The following CSMD1 variants were observed in gnomAD, a reference collection of about 807,000 sequenced individuals.
The protein encoded by CSMD1 is CUB and Sushi multiple domains 1, also known as CUB and sushi domain-containing protein 1.
In CSMD1, 213 loss-of-function variants were observed where a neutral mutation model predicts 417.5. The ratio of observed to expected loss-of-function variants is 0.51; its 90% confidence interval spans 0.46 to 0.57. CSMD1 has a LOEUF of 0.57. Ranked by LOEUF, CSMD1 falls within the 20% of genes least tolerant of loss-of-function variation. CSMD1 has a pLI of 0.00. For missense variants in CSMD1, 6,923 were observed against 4,529.7 expected (o/e 1.53, Z -15.17); for synonymous variants, 2,862 against 1,736.8 (o/e 1.65, Z -16.11).
intron 1 of CSMD1, among the ~76,000 whole-genome samples, chr8:4,809,024 C>A (rs373181057): frequency 1.3e-5 from 2 of 152,092 alleles, no homozygotes; most frequent in East Asian, 1.9e-4. Flanking sequence ...GTTGTCTTGC[C>A]GAGTTTTACT....
chr8:3,189,135 A>C, intron 34 of CSMD1, 124 bp from the exon 35 acceptor site: 1 of 856,214 alleles, frequency 1.2e-6, no homozygotes, highest in Non-Finnish European at 1.7e-6. Flanking sequence ...TGATACGTTA[A>C]ACGGCACTTT....
chr8:3,281,834 T>C (rs10094867), intron 26 of CSMD1, among the ~76,000 whole-genome samples: 1 of 151,928 alleles, frequency 6.6e-6, no homozygotes. Context: ...TTGGAGGTAG[T>C]GCCTGGAGGG....
chr8:4,631,441 C>G (rs555168845), intron 2 of CSMD1, among the ~76,000 whole-genome samples: 1 of 150,600 alleles, frequency 6.6e-6, no homozygotes, highest in South Asian at 2.1e-4. Flanking sequence ...GTGAATGGCT[C>G]CCTTAGGACC....
intron 3 of CSMD1, among the ~76,000 whole-genome samples, chr8:4,175,946 T>C (rs1412786156): frequency 2.0e-5 from 3 of 152,098 alleles, no homozygotes; most frequent in Admixed American, 1.3e-4. Flanking sequence ...CTGTCGACAT[T>C]GGTGGCATGG....
At position 3,753,888 on chromosome 8, in the gene CSMD1, C is replaced by T. The variant is rs371060172; in HGVS notation, c.931+42G>A. On this transcript the variant is annotated intron_variant, in intron 6 of 69. Coordinates refer to ENST00000635120, the MANE Select transcript of CSMD1 (RefSeq NM_033225.6). ...GGCTAGAAAGGATCAAAATATATTA[C>T]GCTCTGTTTTTTTTTTTTCTTATAA... 1.0e-5 allele frequency: 14 copies of T among 1,343,478 alleles called. No homozygotes were observed. In the Middle Eastern group the frequency reaches 5.5e-4, roughly 53 times the overall value. The allele number at this position is 1,343,478 out of a possible 1,614,324, so 83.2% of individuals were successfully genotyped here.
At position 4,781,497 on chromosome 8, in the gene CSMD1, T is replaced by G. The variant is rs150169812; in HGVS notation, c.86-143939A>C. On this transcript the variant is annotated intron_variant, in intron 1 of 69. Transcript: ENST00000635120. Reference sequence around the variant, plus strand: ...AACATAATCTCAGACACCAGCCTTTTAGAAAGAGATCACATACAAGAGATA... The same window carrying G: ...AACATAATCTCAGACACCAGCCTTTGAGAAAGAGATCACATACAAGAGATA... 8.5e-3 allele frequency among the ~76,000 whole-genome samples: 1,297 copies of G among 152,350 alleles called. 17 individuals are homozygous for G. The highest frequency in any genetic ancestry group is 0.01 in the Middle Eastern group (3 of 294).
intron 26 of CSMD1, among the ~76,000 whole-genome samples, chr8:3,255,931 G>T (rs1800617499): frequency 6.6e-6 from 1 of 152,192 alleles, no homozygotes; most frequent in Non-Finnish European, 1.5e-5. Flanking sequence ...AGTTGGAAAT[G>T]CAGAAATCAC....
intron 2 of CSMD1, among the ~76,000 whole-genome samples, chr8:4,495,360 A>G (rs1345985054): frequency 6.6e-6 from 1 of 152,100 alleles, no homozygotes; most frequent in Non-Finnish European, 1.5e-5. Flanking sequence ...CGGATCACGA[A>G]GTCAAGGGTT....
Position 3,218,358 on chromosome 8 carries a change from G to C in CSMD1, c.4672+897C>G, listed in dbSNP as rs563724575. ...GGGAGGATCATGAGGTCAGGAGATC[G>C]AGATCATCCTGGCTAACACTGTGAA... On this transcript the variant is annotated intron_variant, in intron 29 of 69. Coordinates refer to ENST00000635120, the MANE Select transcript of CSMD1 (RefSeq NM_033225.6). Among the ~76,000 whole-genome samples the C allele has an allele frequency of 2.0e-5, 3 of 151,638 alleles. No homozygotes were observed. The East Asian group carries it at 5.8e-4, about 30-fold the overall frequency.
chr8:4,008,681 G>A (rs990838275), intron 4 of CSMD1, among the ~76,000 whole-genome samples: 1 of 137,470 alleles, frequency 7.3e-6, no homozygotes, highest in Non-Finnish European at 1.5e-5. Flanking sequence ...TGCGATCTCA[G>A]GTAACTGCAA....
chr8:3,135,246 T>C (rs954320340), intron 41 of CSMD1, among the ~76,000 whole-genome samples: 2 of 152,206 alleles, frequency 1.3e-5, no homozygotes, highest in African/African-American at 4.8e-5. Flanking sequence ...CTAATAATAC[T>C]TCTGCAGAAG....
intron 1 of CSMD1, among the ~76,000 whole-genome samples, chr8:4,772,281 C>A (rs545110866): frequency 1.1e-4 from 16 of 152,308 alleles, no homozygotes; most frequent in Middle Eastern, 3.4e-3. Context: ...GTGAACCAGT[C>A]CTTTACACGT....
intron 5 of CSMD1, among the ~76,000 whole-genome samples, chr8:3,772,152 T>C (rs1798606292): frequency 7.6e-6 from 1 of 131,718 alleles, no homozygotes; most frequent in African/African-American, 2.9e-5. Context: ...CTCCTTGAAT[T>C]CTCAGAAAGG....
intron 30 of CSMD1, among the ~76,000 whole-genome samples, chr8:3,213,997 C>G (rs893809443): frequency 2.6e-5 from 4 of 151,884 alleles, no homozygotes; most frequent in Admixed American, 2.0e-4. Flanking sequence ...AGGCACGCAC[C>G]ACCACACCCA....
chr8:3,110,175 G>A lies in CSMD1; in HGVS notation c.6591C>T (p.Asn2197=), dbSNP rs760047318. ...NFTLLQTEAV[N]DYIAVWDGPD... is the part of the protein sequence containing the mutation. ...TCTCATACCAAACAGCAATGTAATC[G>A]TTGACAGCTTCCGTCTGTAACAGGG... Residue 2197 remains asparagine (N), a synonymous_variant, in exon 43 of 70, where the codon AAC becomes AAT. Coordinates refer to ENST00000635120, the MANE Select transcript of CSMD1 (RefSeq NM_033225.6). 83 of 1,607,844 alleles carry A rather than the reference G, an allele frequency of 5.2e-5. 2 individuals are homozygous for A. Among genetic ancestry groups the A allele is most frequent in the Non-Finnish European group, 5.9e-5 (69 of 1,177,446 alleles).
intron 5 of CSMD1, among the ~76,000 whole-genome samples, chr8:3,768,616 G>A (rs778328630): frequency 6.6e-6 from 1 of 152,116 alleles, no homozygotes; most frequent in Non-Finnish European, 1.5e-5. Flanking sequence ...AATAGAAGCA[G>A]GAATTGACCA....
At chr8:4,261,034 C>T (rs1224312328) in intron 3 of CSMD1, among the ~76,000 whole-genome samples, 2 of 152,190 alleles carry the variant, frequency 1.3e-5, no homozygotes, top group Non-Finnish European at 2.9e-5. Flanking sequence ...ACATCACTTA[C>T]TATGCTTTAA....
chr8:4,292,559 A>AT (rs1035932490), intron 3 of CSMD1, among the ~76,000 whole-genome samples: 1 of 152,094 alleles, frequency 6.6e-6, no homozygotes, highest in African/African-American at 2.4e-5. Flanking sequence ...GCCCGCCCGA[A>AT]TTTTTTAACT....
intron 1 of CSMD1, among the ~76,000 whole-genome samples, chr8:4,735,901 A>G (rs969672996): frequency 6.6e-6 from 1 of 152,144 alleles, no homozygotes; most frequent in African/African-American, 2.4e-5. Flanking sequence ...TTTACTAGAG[A>G]TTTACTGATG....
Sources: allele counts gnomAD v4.1 joint callset (sites outside exome capture counted in the v4.1 genomes callset), GRCh38; gene constraint gnomAD v4.1.1; transcripts MANE v1.5; gene names NCBI Gene and HGNC (gene_info 2026-07-23, HGNC 2026-07-21).